The following SPSB1 variants were observed in gnomAD, a reference collection of about 807,000 sequenced individuals.
The protein encoded by SPSB1 is splA/ryanodine receptor domain and SOCS box containing 1.
A neutral mutation model predicts 21.2 loss-of-function variants in SPSB1; 8 were observed. The ratio of observed to expected loss-of-function variants is 0.38; its 90% CI spans 0.22 to 0.68. The LOEUF (loss-of-function observed/expected upper bound fraction) is 0.68, where lower values mean the gene tolerates loss of function less well. Among genes scored for constraint, SPSB1 ranks in the 30% least tolerant of loss-of-function variants. The pLI is 0.53. For missense variants in SPSB1, 242 were observed against 377.8 expected (o/e 0.64, Z 2.98); for synonymous variants, 169 against 161.7 (o/e 1.05, Z -0.34).
intron 1 of SPSB1, among the ~76,000 whole-genome samples, chr1:9,299,161 A>C (rs1639273837): frequency 6.6e-6 from 1 of 152,252 alleles, no homozygotes. Context: ...TACTGCATGC[A>C]GCTGTTGATC....
At chr1:9,329,291 T>C (rs1352454859) in intron 1 of SPSB1, among the ~76,000 whole-genome samples, 1 of 151,816 alleles carries the variant, frequency 6.6e-6, no homozygotes. Flanking sequence ...GATGGGTGGA[T>C]GGGTGGACAG....
rs1227061988 is a variant in SPSB1, at chr1:9,305,567, A to C, written c.-150+12496A>C. 6.6e-6 allele frequency among the ~76,000 whole-genome samples: 1 copy of C among 152,090 alleles called. No homozygotes were observed. The highest frequency in any genetic ancestry group is 2.4e-5 in the African/African-American group (1 of 41,412). ...TCCTAGCAGGGTCTGGGAGAGCTCG[A>C]TGTGGGCCCAGGGTGTGGGTGCTGG... On this transcript the variant is annotated intron_variant, in intron 1 of 2. Transcript: ENST00000328089. The surrounding 1 kb of genome is among the most constrained non-coding windows in gnomAD (Gnocchi z 4.8).
rs920430967 is a variant in SPSB1, at chr1:9,363,725, A to C, written c.695-3723A>C. On this transcript the variant is annotated intron_variant, in intron 2 of 2. Transcript: ENST00000328089. The surrounding 1 kb of genome is among the most constrained non-coding windows in gnomAD (Gnocchi z 4.5). ...AAAATTTTTTTTTTTTTGGAGATGGAGTCTCATTCTGTCACCCAGGCTGTA... is the reference window on the plus strand; with the variant it reads ...AAAATTTTTTTTTTTTTGGAGATGGCGTCTCATTCTGTCACCCAGGCTGTA... Among the ~76,000 whole-genome samples, 2 of 150,432 alleles carry C rather than the reference A, an allele frequency of 1.3e-5. No homozygotes were observed. Among genetic ancestry groups the C allele is most frequent in the African/African-American group, 4.9e-5 (2 of 40,782 alleles).
intron 1 of SPSB1, among the ~76,000 whole-genome samples, chr1:9,349,171 A>G (rs1296108522): frequency 2.0e-5 from 3 of 152,094 alleles, no homozygotes; most frequent in Admixed American, 2.0e-4. Context: ...ATCCCTCTGC[A>G]GGGGAAGCCA....
rs1005259100 is a variant in SPSB1 at position 9,293,689 on chromosome 1, A to G, written c.-150+618A>G. Among the ~76,000 whole-genome samples the G allele has an allele frequency of 3.3e-5, 5 of 151,998 alleles. No homozygotes were observed. The highest frequency in any genetic ancestry group is 1.2e-4 in the African/African-American group (5 of 41,388). ...CGGAGGGTTGTCAGGAAATCGATTA[A>G]ATCAGAAAAACAAGGGCGGCCTGGG... On this transcript the variant is annotated intron_variant, in intron 1 of 2. Transcript: ENST00000328089. The surrounding 1 kb of genome is among the most constrained non-coding windows in gnomAD (Gnocchi z 5.1).
intron 1 of SPSB1, among the ~76,000 whole-genome samples, chr1:9,309,367 G>T (rs1639480183): frequency 6.6e-6 from 1 of 151,712 alleles, no homozygotes; most frequent in Admixed American, 6.6e-5. Flanking sequence ...ACCCAGGCTG[G>T]AGTGCAGTGG....
intron 1 of SPSB1, among the ~76,000 whole-genome samples, chr1:9,334,237 C>G (rs1241907178): frequency 6.6e-6 from 1 of 152,092 alleles, no homozygotes; most frequent in Non-Finnish European, 1.5e-5. Context: ...AGGCGCCCAC[C>G]ACGACACCTG....
rs1640165243 is a variant in SPSB1 at position 9,346,251 on chromosome 1, G to A, written c.-149-9492G>A. Among the ~76,000 whole-genome samples, 1 of 152,240 alleles carries A rather than the reference G, an allele frequency of 6.6e-6. No individual in the cohort carries two copies. The highest frequency in any genetic ancestry group is 2.4e-5 in the African/African-American group (1 of 41,462). ...AGGTGAAAGGAGGCTTTATAAATAG[G>A]TCACCTTGTTCCACATCCTGAATTT... On this transcript the variant is annotated intron_variant, in intron 1 of 2. Transcript: ENST00000328089. The surrounding 1 kb of genome is among the most constrained non-coding windows in gnomAD (Gnocchi z 4.4).
chr1:9,359,848 G>GGA (rs1553128811), intron 2 of SPSB1, among the ~76,000 whole-genome samples: 1 of 36,302 alleles, frequency 2.8e-5, no homozygotes, highest in East Asian at 1.1e-3. Context: ...GATGGAAGCC[G>GGA]GGGGGGTGGG....
At chr1:9,295,999 G>T (rs999035076) in intron 1 of SPSB1, among the ~76,000 whole-genome samples, 10 of 151,980 alleles carry the variant, frequency 6.6e-5, no homozygotes, top group African/African-American at 2.4e-4. Flanking sequence ...CAGACTCTAA[G>T]GGACTTCGAT....
Position 9,347,787 on chromosome 1 carries a change from T to C in SPSB1, c.-149-7956T>C, listed in dbSNP as rs1475858534. 2.0e-5 allele frequency among the ~76,000 whole-genome samples: 3 copies of C among 152,098 alleles called. No homozygotes were observed. The East Asian group carries it at 5.8e-4, about 29-fold the overall frequency. ...ACAAGAGCCCTGGAAGGGCTGTTGC[T>C]GGGTGATTGCTGGGCGTTTTGCACA... On this transcript the variant is annotated intron_variant, in intron 1 of 2. Transcript: ENST00000328089.
rs888238291 is a variant in SPSB1 at position 9,321,562 on chromosome 1, C to G, written c.-150+28491C>G. Among the ~76,000 whole-genome samples, 1 of 152,108 alleles carries G rather than the reference C, an allele frequency of 6.6e-6. No individual in the cohort carries two copies. Among genetic ancestry groups the G allele is most frequent in the Admixed American group, 6.6e-5 (1 of 15,264 alleles). Reference sequence around the variant, plus strand: ...AACGGGGAAGAGGGTGTTTGAGAGACTGATGAGTCAGTGAGGGAGACCGAT... The same window carrying G: ...AACGGGGAAGAGGGTGTTTGAGAGAGTGATGAGTCAGTGAGGGAGACCGAT... On this transcript the variant is annotated intron_variant, in intron 1 of 2. Coordinates refer to ENST00000328089, the MANE Select transcript of SPSB1 (RefSeq NM_025106.4). The surrounding 1 kb of genome is among the most constrained non-coding windows in gnomAD (Gnocchi z 4.8).
At chr1:9,359,906 T>G (rs1465801328) in intron 2 of SPSB1, among the ~76,000 whole-genome samples, 1 of 151,810 alleles carries the variant, frequency 6.6e-6, no homozygotes, top group African/African-American at 2.4e-5. Flanking sequence ...GGCTCATCCA[T>G]GGACCGGATG....
intron 1 of SPSB1, among the ~76,000 whole-genome samples, chr1:9,342,664 C>A (rs577800763): frequency 6.6e-6 from 1 of 152,226 alleles, no homozygotes; most frequent in African/African-American, 2.4e-5. Context: ...CATCCCCTCC[C>A]CAGACCACAG....
chr1:9,350,592 A>C (rs548528986), intron 1 of SPSB1, among the ~76,000 whole-genome samples: 11 of 152,172 alleles, frequency 7.2e-5, no homozygotes, highest in Non-Finnish European at 1.3e-4. Context: ...ATGTGTGTGC[A>C]TGTAGGCATG....
At position 9,355,864 on chromosome 1, in the gene SPSB1, C is replaced by G; in HGVS notation, c.-28C>G. 1 of 1,521,994 alleles carries G rather than the reference C, an allele frequency of 6.6e-7. No individual in the cohort carries two copies. Among genetic ancestry groups the G allele is most frequent in the Non-Finnish European group, 8.8e-7 (1 of 1,133,940 alleles). The allele number at this position is 1,521,994 out of a possible 1,614,324, so 94.3% of individuals were successfully genotyped here. ...AGATTGATGAGTTTGCCTTGGGAGT[C>G]GGTAAGAAGGTGAAGCCAGGGGCGA... On this transcript the variant is annotated 5_prime_UTR_variant, in exon 2 of 3. Transcript: ENST00000328089.
chr1:9,309,527 T>C (rs112900779), intron 1 of SPSB1, among the ~76,000 whole-genome samples: 2,067 of 152,212 alleles, frequency 0.014, 44 homozygotes, highest in African/African-American at 0.047. Context: ...CCATGTTGCC[T>C]AGGCTCTCCC....
chr1:9,338,395 C>T (rs1213008431), intron 1 of SPSB1, among the ~76,000 whole-genome samples: 1 of 152,208 alleles, frequency 6.6e-6, no homozygotes, highest in African/African-American at 2.4e-5. Context: ...CATGCCTAGG[C>T]TATCCTGGCT....
In SPSB1 at chr1:9,324,587, C is replaced by T. The variant is rs1417588469; in HGVS notation, c.-149-31156C>T. ...AGTCAAGACAAAAGCCTGGTTGTGC[C>T]CTGGGAGAAAACCCAAACCTGGGTT... On this transcript the variant is annotated intron_variant, in intron 1 of 2. Transcript: ENST00000328089. The surrounding 1 kb of genome is among the most constrained non-coding windows in gnomAD (Gnocchi z 4.3). Among the ~76,000 whole-genome samples, 1 of 152,078 alleles carries T rather than the reference C, an allele frequency of 6.6e-6. No individual in the cohort carries two copies. Among genetic ancestry groups the T allele is most frequent in the Non-Finnish European group, 1.5e-5 (1 of 68,012 alleles).
Sources: gnomAD v4.1 joint callset for allele counts (sites outside exome capture counted in the v4.1 genomes callset) on GRCh38, gnomAD v4.1.1 for gene constraint, Gnocchi (gnomAD v3.1) non-coding constraint, MANE v1.5 for transcripts, NCBI Gene and HGNC (gene_info 2026-07-23, HGNC 2026-07-21) for gene names.